The following MCPH1 variants were observed in gnomAD, a reference collection of about 807,000 sequenced individuals.
The protein encoded by MCPH1 is microcephalin 1, also known as microcephalin.
MCPH1 carries 104 observed loss-of-function variants against 84.5 expected under a neutral mutation model. The ratio of observed to expected loss-of-function variants is 1.23; its 90% confidence interval spans 1.05 to 1.45. MCPH1 has a LOEUF of 1.45. Among genes scored for constraint, MCPH1 ranks in the 40% most tolerant of loss-of-function variants. The probability of loss-of-function intolerance (pLI) is 0.00; values close to 1 mark genes in which losing one functional copy is unlikely to be tolerated. For missense variants in MCPH1, 1,498 were observed against 1,005.7 expected, an observed-to-expected ratio of 1.49 and a Z score of -6.62; for synonymous variants, 514 against 366.8, an observed-to-expected ratio of 1.40 and a Z score of -4.58.
At chr8:6,436,291 G>C in intron 5 of MCPH1, 129 bp downstream of exon 5, 1 of 1,059,058 alleles carries the variant, frequency 9.4e-7, no homozygotes, top group Non-Finnish European at 1.3e-6. Flanking sequence ...CTATGAAGGA[G>C]AAAACAAAAT....
At chr8:6,570,467 A>G (rs1239685646) in intron 12 of MCPH1, among the ~76,000 whole-genome samples, 3 of 152,172 alleles carry the variant, frequency 2.0e-5, no homozygotes, top group Non-Finnish European at 4.4e-5. Flanking sequence ...GGAAACAGCC[A>G]TTTCCCCCGC....
chr8:6,584,501 T>C (rs922762536), intron 12 of MCPH1, among the ~76,000 whole-genome samples: 5 of 152,220 alleles, frequency 3.3e-5, no homozygotes, highest in African/African-American at 1.2e-4. Flanking sequence ...TTTAGCTGCA[T>C]ATACTGAGAC....
At chr8:6,519,732 C>G in intron 12 of MCPH1, 3 of 1,121,314 alleles carry the variant, frequency 2.7e-6, no homozygotes, top group South Asian at 2.4e-5. Context: ...GGTAGCTGCC[C>G]AGTAACTATG....
intron 3 of MCPH1, among the ~76,000 whole-genome samples, chr8:6,424,044 G>T (rs1188580656): frequency 6.6e-6 from 1 of 152,220 alleles, no homozygotes; most frequent in East Asian, 1.9e-4. Context: ...GTAGCTCATG[G>T]TTTCCACTGA....
intron 11 of MCPH1, among the ~76,000 whole-genome samples, chr8:6,483,485 A>G (rs1809478865): frequency 6.6e-6 from 1 of 152,188 alleles, no homozygotes. Flanking sequence ...ACAGACAGAG[A>G]ATCCAGAAAT....
intron 13 of MCPH1, among the ~76,000 whole-genome samples, chr8:6,638,578 TAAAA>T (rs60063681): frequency 6.4e-4 from 93 of 144,996 alleles, no homozygotes; most frequent in African/African-American, 2.3e-3. Context: ...TGCTTACATT[TAAAA>T]AAAAAAAAAA....
intron 3 of MCPH1, among the ~76,000 whole-genome samples, chr8:6,430,645 C>T (rs936662583): frequency 2.0e-5 from 3 of 151,928 alleles, no homozygotes; most frequent in African/African-American, 4.8e-5. Flanking sequence ...AATAACTGTT[C>T]GTGTGTTAGA....
chr8:6,445,483 A>G lies in MCPH1; in HGVS notation c.1761A>G (p.Ile587Met). The change falls in exon 8 of 14, where the codon ATA becomes ATG. Residue 587 changes from isoleucine (I) to methionine (M), a missense_variant. Transcript: ENST00000344683. ...AGAGTGAACATGAGCCATGTTTTAT[A>G]GTTGACTGTAACATGGAGACGTCTA... ...EAQSEHEPCF[I>M]VDCNMETSTE... The G allele has an allele frequency of 6.2e-7, 1 of 1,614,032 alleles. No individual in the cohort carries two copies. Among genetic ancestry groups the G allele is most frequent in the Non-Finnish European group, 8.5e-7 (1 of 1,180,020 alleles).
At chr8:6,452,093 C>A (rs554081276) in intron 8 of MCPH1, among the ~76,000 whole-genome samples, 1 of 152,258 alleles carries the variant, frequency 6.6e-6, no homozygotes, top group South Asian at 2.1e-4. Context: ...TTTCATCGTC[C>A]ACTTCTTCAT....
intron 4 of MCPH1, among the ~76,000 whole-genome samples, chr8:6,432,086 A>G (rs1433584930): frequency 2.0e-5 from 3 of 152,218 alleles, no homozygotes; most frequent in Non-Finnish European, 4.4e-5. Flanking sequence ...TCCCTTATAT[A>G]AAATGCCATA....
At chr8:6,584,621 TA>T (rs1343341777) in intron 12 of MCPH1, among the ~76,000 whole-genome samples, 1 of 152,208 alleles carries the variant, frequency 6.6e-6, no homozygotes, top group African/African-American at 2.4e-5. Flanking sequence ...TTATCTATCT[TA>T]AGAAGTATTT....
At chr8:6,443,463 G>A (rs1803810409) in intron 7 of MCPH1, among the ~76,000 whole-genome samples, 1 of 152,226 alleles carries the variant, frequency 6.6e-6, no homozygotes, top group African/African-American at 2.4e-5. Flanking sequence ...TAGAACTTCA[G>A]TGATTTCAGA....
chr8:6,618,572 T>G (rs1043992768), intron 12 of MCPH1: 73 of 152,314 alleles, frequency 4.8e-4, no homozygotes, highest in African/African-American at 1.7e-3. Context: ...TTTTACAGGA[T>G]TTTTAAAAAT....
At chr8:6,561,733 T>C (rs1825573229) in intron 12 of MCPH1, among the ~76,000 whole-genome samples, 1 of 152,230 alleles carries the variant, frequency 6.6e-6, no homozygotes, top group Non-Finnish European at 1.5e-5. Flanking sequence ...TAAAGAAAAT[T>C]CCAGGTTCGT....
At chr8:6,455,312 T>C in intron 9 of MCPH1, 60 bp downstream of exon 9, 1 of 1,194,928 alleles carries the variant, frequency 8.4e-7, no homozygotes, top group Admixed American at 1.7e-5. Context: ...AATGTTCTTC[T>C]CTGGGTCAAT....
At position 6,549,132 on chromosome 8, in the gene MCPH1, A is replaced by T. The variant is rs1424689492; in HGVS notation, c.2214+49203A>T. Among the ~76,000 whole-genome samples, 5 of 152,356 alleles carry T rather than the reference A, an allele frequency of 3.3e-5. No individual in the cohort carries two copies. The East Asian group carries it at 9.6e-4, about 29-fold the overall frequency. ...CAGTCAGTCCAACTCCACAGATTTC[A>T]GAGATAGCAGTACAAGAAAAATGAT... On this transcript the variant is annotated intron_variant, in intron 12 of 13. Coordinates refer to ENST00000344683, the MANE Select transcript of MCPH1 (RefSeq NM_024596.5).
At chr8:6,593,921 C>T (rs1242356875) in intron 12 of MCPH1, among the ~76,000 whole-genome samples, 1 of 152,214 alleles carries the variant, frequency 6.6e-6, no homozygotes, top group Non-Finnish European at 1.5e-5. Flanking sequence ...ATCAGAAGGA[C>T]CCCCGCTGGC....
intron 3 of MCPH1, among the ~76,000 whole-genome samples, chr8:6,431,250 G>C (rs944116063): frequency 6.6e-6 from 1 of 152,080 alleles, no homozygotes; most frequent in Non-Finnish European, 1.5e-5. Context: ...GTCAAAAATT[G>C]TTGTGTAAAA....
intron 9 of MCPH1, among the ~76,000 whole-genome samples, chr8:6,470,121 A>T (rs533452100): frequency 6.6e-6 from 1 of 152,300 alleles, no homozygotes; most frequent in South Asian, 2.1e-4. Context: ...ATACCTTGAC[A>T]TACTTAAATT....
Sources: gnomAD v4.1 joint callset for allele counts (sites outside exome capture counted in the v4.1 genomes callset) on GRCh38, gnomAD v4.1.1 for gene constraint, MANE v1.5 for transcripts, NCBI Gene and HGNC (gene_info 2026-07-23, HGNC 2026-07-21) for gene names.